The following CHD6 variants were observed in gnomAD, a reference collection of about 807,000 sequenced individuals.
CHD6 encodes chromodomain helicase DNA binding protein 6, also known as ATP-dependent chromatin remodeler CHD6.
CHD6 carries 50 observed loss-of-function variants against 276.9 expected under a neutral mutation model. The observed-to-expected ratio is 0.18, with a 90% CI of 0.14 to 0.23. The LOEUF (loss-of-function observed/expected upper bound fraction) is 0.23. CHD6 is among the 10% of genes least tolerant of loss of function. The probability of loss-of-function intolerance (pLI) is 1.00; values close to 1 mark genes in which losing one functional copy is unlikely to be tolerated. For missense variants in CHD6, 2,564 were observed against 3,365.8 expected, an observed-to-expected ratio of 0.76 and a Z score of 5.89; for synonymous variants, 1,173 against 1,229.3, an observed-to-expected ratio of 0.95 and a Z score of 0.96.
chr20:41,477,110 A>C (rs1347351140), intron 16 of CHD6, among the ~76,000 whole-genome samples: 3 of 152,144 alleles, frequency 2.0e-5, no homozygotes, highest in African/African-American at 4.8e-5. Context: ...ATGGTGGCCA[A>C]TGTGCCTATC....
At chr20:41,499,414 C>T in intron 5 of CHD6, 57 bp from the exon 6 acceptor site, 1 of 1,381,964 alleles carries the variant, frequency 7.2e-7, no homozygotes, top group Non-Finnish European at 9.9e-7. Flanking sequence ...TCCAAGAAAA[C>T]AATTCTGTAA....
intron 1 of CHD6, among the ~76,000 whole-genome samples, chr20:41,613,821 G>A (rs1023045925): frequency 4.4e-4 from 67 of 152,192 alleles, no homozygotes; most frequent in African/African-American, 1.6e-3. Context: ...TATAAAATAC[G>A]CAGATGCAAA....
At chr20:41,482,624 C>T (rs902097573) in intron 16 of CHD6, 2 of 455,956 alleles carry the variant, frequency 4.4e-6, no homozygotes, top group Non-Finnish European at 8.7e-6. Context: ...TTTTTAAAAA[C>T]TCATTTGTCA....
intron 25 of CHD6, 27 bp downstream of exon 25, chr20:41,445,638 A>G (rs1033082186): frequency 6.7e-7 from 1 of 1,493,906 alleles, no homozygotes; most frequent in South Asian, 1.1e-5. Context: ...CTGATACAGA[A>G]GGGAACGCCT....
intron 1 of CHD6, among the ~76,000 whole-genome samples, chr20:41,565,131 T>C (rs2045341874): frequency 6.6e-6 from 1 of 151,496 alleles, no homozygotes; most frequent in Non-Finnish European, 1.5e-5. Flanking sequence ...AGATTCACTA[T>C]TGTCACCCAG....
chr20:41,533,859 C>G (rs757374471), intron 2 of CHD6, among the ~76,000 whole-genome samples: 11 of 152,156 alleles, frequency 7.2e-5, no homozygotes, highest in Non-Finnish European at 1.0e-4. Flanking sequence ...ATCATCTAAT[C>G]TAGCCACCAG....
intron 5 of CHD6, among the ~76,000 whole-genome samples, chr20:41,509,198 C>T (rs369663046): frequency 2.0e-5 from 3 of 152,188 alleles, no homozygotes; most frequent in African/African-American, 7.2e-5. Flanking sequence ...GATCCCAGCT[C>T]AATCTAGACT....
At chr20:41,554,248 AC>A (rs1313361003) in intron 1 of CHD6, among the ~76,000 whole-genome samples, 1 of 152,252 alleles carries the variant, frequency 6.6e-6, no homozygotes, top group African/African-American at 2.4e-5. Context: ...TGCAGCAGGG[AC>A]ATCAGAAAGC....
intron 34 of CHD6, 131 bp downstream of exon 34, chr20:41,415,055 T>C: frequency 6.8e-7 from 1 of 1,467,724 alleles, no homozygotes; most frequent in Non-Finnish European, 9.1e-7. Flanking sequence ...CATCTTATAA[T>C]GAGAGAAAAT....
chr20:41,416,654 G>C lies in CHD6; in HGVS notation c.6420C>G (p.Leu2140=). The change falls in exon 33 of 37, where the codon CTC becomes CTG. Residue 2140 remains leucine (L), a synonymous_variant. Transcript: ENST00000373233. The part of the protein sequence containing the change: ...LTSSAGSRTS[L]SEPEAAEHSF... Reference sequence around the variant, plus strand: ...TGTGTTCTGCTGCTTCCGGCTCTGAGAGGCTGGTTCGAGAACCAGCACTGC... The same window carrying C: ...TGTGTTCTGCTGCTTCCGGCTCTGACAGGCTGGTTCGAGAACCAGCACTGC... 6.2e-7 allele frequency: 1 copy of C among 1,614,060 alleles called. No individual in the cohort carries two copies. Among genetic ancestry groups the C allele is most frequent in the African/African-American group, 1.3e-5 (1 of 75,052 alleles).
chr20:41,412,291 C>G (rs2046863629), intron 35 of CHD6, 28 bp from the exon 36 acceptor site: 1 of 1,612,714 alleles, frequency 6.2e-7, no homozygotes, highest in Admixed American at 1.7e-5. Context: ...ACCAATATTA[C>G]AAAACATGCT....
intron 27 of CHD6, among the ~76,000 whole-genome samples, chr20:41,429,438 T>A (rs1452844084): frequency 6.6e-6 from 1 of 152,158 alleles, no homozygotes; most frequent in African/African-American, 2.4e-5. Context: ...TCATTTCAAA[T>A]CTCCCTTCAA....
chr20:41,522,503 C>CT (rs912826001), intron 3 of CHD6, among the ~76,000 whole-genome samples: 1 of 152,056 alleles, frequency 6.6e-6, no homozygotes, highest in Non-Finnish European at 1.5e-5. Context: ...CTGCAGATTA[C>CT]TTATTAGTTA....
At position 41,426,271 on chromosome 20, in the gene CHD6, C is replaced by T. The variant is rs149155486; in HGVS notation, c.4069-118G>A. On this transcript the variant is annotated intron_variant, in intron 27 of 36. Coordinates refer to ENST00000373233, the MANE Select transcript of CHD6 (RefSeq NM_032221.5). ...ATAAGAGCTGTCCCCTGCCCATGAA[C>T]AACTCAGACCAAGATAGGACCTGAT... 3.4e-3 allele frequency: 2,618 copies of T among 768,618 alleles called. 37 individuals are homozygous for T. The highest frequency in any genetic ancestry group is 0.016 in the Middle Eastern group (71 of 4,372). The allele number at this position is 768,618 out of a possible 1,614,324, so 47.6% of individuals were successfully genotyped here. A position where few individuals can be genotyped will look rare whatever the true frequency, so the allele number is the denominator to read the frequency against.
intron 35 of CHD6, among the ~76,000 whole-genome samples, chr20:41,412,878 T>G (rs1021660627): frequency 1.3e-5 from 2 of 152,040 alleles, no homozygotes; most frequent in African/African-American, 4.8e-5. Context: ...GGACAGACCG[T>G]CCCCCAACCA....
intron 11 of CHD6, among the ~76,000 whole-genome samples, chr20:41,490,293 A>G (rs1364909151): frequency 1.3e-5 from 2 of 152,160 alleles, no homozygotes; most frequent in Non-Finnish European, 2.9e-5. Flanking sequence ...TGACTGTTTC[A>G]TTGTGGGAAC....
Position 41,489,939 on chromosome 20 carries a change from C to G in CHD6, c.1519G>C (p.Gly507Arg). 2 of 1,614,024 alleles carry G rather than the reference C, an allele frequency of 1.2e-6. No homozygotes were observed. The highest frequency in any genetic ancestry group is 1.7e-6 in the Non-Finnish European group (2 of 1,179,948). ...ITFLSEIFLR[G>R]IHGPFLIIAP... ...ATAATGAGAAAAGGGCCGTGGATTC[C>G]TCTCAGAAATATTTCTGAAAGGAAT... Residue 507 changes from glycine (G) to arginine (R), a missense_variant, in exon 12 of 37, where the codon GGA becomes CGA. Gly to Arg is a moderately radical substitution (Grantham distance 125, BLOSUM62 -2). Around this residue, in one of 7 missense-constraint regions of CHD6, gnomAD observed 457 missense variants for 889.0 expected, o/e 0.51. Transcript: ENST00000373233.
intron 8 of CHD6, among the ~76,000 whole-genome samples, chr20:41,494,919 T>C (rs2043645602): frequency 6.6e-6 from 1 of 152,194 alleles, no homozygotes; most frequent in African/African-American, 2.4e-5. Context: ...CATTAGTAAA[T>C]TATAACTTAA....
intron 1 of CHD6, among the ~76,000 whole-genome samples, chr20:41,597,641 G>A (rs1021355254): frequency 2.6e-5 from 4 of 151,738 alleles, no homozygotes; most frequent in African/African-American, 7.3e-5. Flanking sequence ...AAAAGGCATC[G>A]CCCTCTCCAA....
Sources: gnomAD v4.1 joint callset for allele counts (sites outside exome capture counted in the v4.1 genomes callset) on GRCh38, gnomAD v4.1.1 for gene constraint, gnomAD v4.1.1 regional missense constraint, MANE v1.5 for transcripts, NCBI Gene and HGNC (gene_info 2026-07-23, HGNC 2026-07-21) for gene names.